The following GPATCH2L variants were observed in gnomAD, a reference collection of about 807,000 sequenced individuals.
GPATCH2L encodes the protein G patch domain-containing protein 2-like.
Under a neutral mutation model 57.4 loss-of-function variants are expected in GPATCH2L, and 31 were observed. The ratio of observed to expected loss-of-function variants is 0.54; its 90% CI spans 0.41 to 0.73. The LOEUF is 0.73. Among genes scored for constraint, GPATCH2L ranks in the 30% least tolerant of loss-of-function variants. The pLI is 0.00. For missense variants in GPATCH2L, 481 were observed against 599.9 expected (o/e 0.80, Z 2.07); for synonymous variants, 199 against 210.7 (o/e 0.94, Z 0.48).
intron 1 of GPATCH2L, among the ~76,000 whole-genome samples, chr14:76,224,203 A>G (rs1595013933): frequency 6.6e-6 from 1 of 152,206 alleles, no homozygotes; most frequent in South Asian, 2.1e-4. Context: ...GATATTGCAG[A>G]CAGGCAGTAG....
At chr14:76,191,796 A>G (rs974122865) in intron 8 of GPATCH2L, among the ~76,000 whole-genome samples, 1 of 152,138 alleles carries the variant, frequency 6.6e-6, no homozygotes, top group Non-Finnish European at 1.5e-5. Context: ...GAAGCATTCA[A>G]TATCTTCCTT....
At chr14:76,225,327 G>A (rs78993335) in intron 1 of GPATCH2L, among the ~76,000 whole-genome samples, 3,372 of 152,198 alleles carry the variant, frequency 0.022, 76 homozygotes, top group South Asian at 0.077. Context: ...TCACTTAACT[G>A]AGGACAAAGG....
chr14:76,215,807 C>T (rs926614835), downstream of GPATCH2L, among the ~76,000 whole-genome samples: 2 of 150,342 alleles, frequency 1.3e-5, no homozygotes, highest in African/African-American at 4.9e-5. Flanking sequence ...GGGAGATATA[C>T]CTAATGCTAG....
At chr14:76,194,505 G>GTGC (rs1555381031) in intron 8 of GPATCH2L, among the ~76,000 whole-genome samples, 9 of 151,764 alleles carry the variant, frequency 5.9e-5, no homozygotes, top group Admixed American at 2.6e-4. Flanking sequence ...GTGTGTGTGT[G>GTGC]CACGCTCATG....
At chr14:76,171,446 G>C (rs1185070980) in intron 3 of GPATCH2L, among the ~76,000 whole-genome samples, 1 of 151,924 alleles carries the variant, frequency 6.6e-6, no homozygotes, top group South Asian at 2.1e-4. Flanking sequence ...GCATGGTGGC[G>C]GGCGCTTGTA....
intron 1 of GPATCH2L, among the ~76,000 whole-genome samples, chr14:76,220,921 A>T (rs1259730562): frequency 1.3e-5 from 2 of 152,158 alleles, no homozygotes; most frequent in African/African-American, 2.4e-5. Flanking sequence ...AAACTTGCAT[A>T]AAAAAGGCTA....
Position 76,154,131 on chromosome 14 carries a change from T to G in GPATCH2L, c.-10-223T>G. 1 of 431,054 alleles carries G rather than the reference T, an allele frequency of 2.3e-6. No homozygotes were observed. Among genetic ancestry groups the G allele is most frequent in the Non-Finnish European group, 4.1e-6 (1 of 242,914 alleles). 26.7% of individuals were successfully genotyped at this position (431,054 alleles called of 1,614,324 possible). A position where few individuals can be genotyped will look rare whatever the true frequency, so the allele number is the denominator to read the frequency against. On this transcript the variant is annotated intron_variant, in intron 1 of 9. Transcript: ENST00000261530. This position sits in a 1 kb window ranked among gnomAD's most constrained non-coding sequence, Gnocchi z 4.4. ...TTAAGAATATGTTGACTTCAGGCAT[T>G]TAACAAGGGACAAAACATCTATTTT...
Position 76,213,590 on chromosome 14 carries a change from C to G in GPATCH2L, c.*11739C>G, listed in dbSNP as rs2040465235. The G allele has an allele frequency of 1.3e-5, 2 of 152,246 alleles. No homozygotes were observed. The highest frequency in any genetic ancestry group is 4.1e-4 in the South Asian group (2 of 4,830). 9.4% of individuals were successfully genotyped at this position (152,246 alleles called of 1,614,324 possible). On this transcript the variant is annotated 3_prime_UTR_variant, in exon 10 of 10. Transcript: ENST00000261530. Reference sequence around the variant, plus strand: ...AGCCAGAGATAAAGTGAGGCCAGCTCAGGGAATGTGAGCAGTGGCGATTTA... The same window carrying G: ...AGCCAGAGATAAAGTGAGGCCAGCTGAGGGAATGTGAGCAGTGGCGATTTA...
At chr14:76,231,829 T>A (rs2040563629) in intron 2 of GPATCH2L, among the ~76,000 whole-genome samples, 1 of 152,234 alleles carries the variant, frequency 6.6e-6, no homozygotes, top group Non-Finnish European at 1.5e-5. Context: ...GAATTCTACA[T>A]GTATATAGTA....
At chr14:76,157,321 A>T (rs548919385) in intron 2 of GPATCH2L, among the ~76,000 whole-genome samples, 1 of 152,366 alleles carries the variant, frequency 6.6e-6, no homozygotes, top group South Asian at 2.1e-4. Context: ...AGGAGAGTGG[A>T]ACTAAAATCT....
intron 5 of GPATCH2L, chr14:76,174,153 CATTTA>C: frequency 6.5e-6 from 1 of 153,294 alleles, no homozygotes; most frequent in Non-Finnish European, 1.5e-5. Context: ...GGACTCAGCT[CATTTA>C]ATCCTTCCAG....
chr14:76,194,502 T>TGTGTGTGTGC (rs985038118), intron 8 of GPATCH2L, among the ~76,000 whole-genome samples: 1 of 152,092 alleles, frequency 6.6e-6, no homozygotes, highest in African/African-American at 2.4e-5. Flanking sequence ...TGTGTGTGTG[T>TGTGTGTGTGC]GTGCACGCTC....
In GPATCH2L at chr14:76,171,990, T is replaced by C; in HGVS notation, c.875T>C (p.Phe292Ser). Residue 292 changes from phenylalanine to serine, a missense_variant, in exon 4 of 10, where the codon TTC becomes TCC. By Grantham distance (155) the Phe-to-Ser change is radical (BLOSUM62 -2). Coordinates refer to ENST00000261530, the MANE Select transcript of GPATCH2L (RefSeq NM_017926.4). ...TTGGATAAATTTTCAGATTCCACATTCCTTTTACCTTCTCGGCCAGCTCAA... is the reference window on the plus strand; with the variant it reads ...TTGGATAAATTTTCAGATTCCACATCCCTTTTACCTTCTCGGCCAGCTCAA... ...SGLDKFSDSTFLLPSRPAQRG... is the reference protein window; with the variant it reads ...SGLDKFSDSTSLLPSRPAQRG... The C allele has an allele frequency of 6.2e-7, 1 of 1,611,862 alleles. No homozygotes were observed. The highest frequency in any genetic ancestry group is 8.5e-7 in the Non-Finnish European group (1 of 1,179,014).
At chr14:76,171,772 T>A in intron 3 of GPATCH2L, 71 bp from the exon 4 acceptor site, 3 of 839,374 alleles carry the variant, frequency 3.6e-6, no homozygotes, top group Non-Finnish European at 3.6e-6. Flanking sequence ...CACTAAGAAA[T>A]CATCCCTCCC....
At chr14:76,232,332 C>T (rs2040575981) in intron 2 of GPATCH2L, among the ~76,000 whole-genome samples, 1 of 152,128 alleles carries the variant, frequency 6.6e-6, no homozygotes, top group African/African-American at 2.4e-5. Flanking sequence ...CAGAGTCTCA[C>T]TCTGTCTTCC....
chr14:76,172,317 A>G (rs2039122177), intron 4 of GPATCH2L, among the ~76,000 whole-genome samples: 1 of 152,232 alleles, frequency 6.6e-6, no homozygotes, highest in Non-Finnish European at 1.5e-5. Flanking sequence ...ATGTGAAACT[A>G]AGAGGTTATT....
intron 8 of GPATCH2L, among the ~76,000 whole-genome samples, chr14:76,181,189 A>T (rs1248472912): frequency 6.6e-6 from 1 of 152,190 alleles, no homozygotes; most frequent in South Asian, 2.1e-4. Flanking sequence ...TTCTCCCTAC[A>T]TGTACAGCCT....
At chr14:76,199,810 T>A (rs2040262514) in intron 9 of GPATCH2L, among the ~76,000 whole-genome samples, 1 of 152,206 alleles carries the variant, frequency 6.6e-6, no homozygotes, top group South Asian at 2.1e-4. Context: ...GCAGTTCTGT[T>A]TCTGTGCATA....
chr14:76,214,015 C>T lies in GPATCH2L; in HGVS notation c.*12164C>T, dbSNP rs778975576. 5 of 152,180 alleles carry T rather than the reference C, an allele frequency of 3.3e-5. No homozygotes were observed. Among genetic ancestry groups the T allele is most frequent in the Non-Finnish European group, 7.3e-5 (5 of 68,036 alleles). 9.4% of individuals were successfully genotyped at this position (152,180 alleles called of 1,614,324 possible). ...GAGACTTTATAGTATGTTTTAACAACTGGCAAGGCTAGTCCCCCTTATAAT... is the reference window on the plus strand; with the variant it reads ...GAGACTTTATAGTATGTTTTAACAATTGGCAAGGCTAGTCCCCCTTATAAT... On this transcript the variant is annotated 3_prime_UTR_variant, in exon 10 of 10. Coordinates refer to ENST00000261530, the MANE Select transcript of GPATCH2L (RefSeq NM_017926.4).
Sources: gnomAD v4.1 joint callset for allele counts (sites outside exome capture counted in the v4.1 genomes callset) on GRCh38, gnomAD v4.1.1 for gene constraint, Gnocchi (gnomAD v3.1) non-coding constraint, MANE v1.5 for transcripts, NCBI Gene and HGNC (gene_info 2026-07-23, HGNC 2026-07-21) for gene names.